SCGB2B2: variants seen among roughly 807,000 people sequenced by gnomAD.
The protein encoded by SCGB2B2 is secretoglobin family 2B member 2, also known as secretoglobin-like protein.
In SCGB2B2, 11 loss-of-function variants were observed where a neutral mutation model predicts 7.6. The observed-to-expected ratio is 1.45, with a 90% CI of 0.91 to 2.40. The LOEUF is 2.40. SCGB2B2 is among the 30% of genes most tolerant of loss of function. The pLI is 0.00. For synonymous variants in SCGB2B2, 50 were observed against 48.6 expected, an observed-to-expected ratio of 1.03 and a Z score of -0.12; for missense variants, 104 against 115.4, an observed-to-expected ratio of 0.90 and a Z score of 0.45.
At position 34,594,549 on chromosome 19, in the gene SCGB2B2, G is replaced by C; in HGVS notation, c.15C>G (p.Ser5=). The change falls in exon 2 of 4, where the codon TCC becomes TCG. Residue 5 remains serine, a synonymous_variant. Coordinates refer to ENST00000601241, the MANE Select transcript of SCGB2B2 (RefSeq NM_001025591.4). ...GAGCCAGCAGAAGAGCACAGGTGGC[G>C]GATGTCACCCTCATGACAGCGGAGT... The part of the protein sequence containing the change: MRVT[S]ATCALLLALI... The C allele has an allele frequency of 6.2e-7, 1 of 1,612,854 alleles. No homozygotes were observed. Among genetic ancestry groups the C allele is most frequent in the Non-Finnish European group, 8.5e-7 (1 of 1,179,956 alleles).
intron 1 of SCGB2B2, among the ~76,000 whole-genome samples, chr19:34,668,350 G>C (rs2067698523): frequency 6.6e-6 from 1 of 152,246 alleles, no homozygotes; most frequent in Non-Finnish European, 1.5e-5. Context: ...AGCAACTGCT[G>C]TGCTCAATTT....
intron 1 of SCGB2B2, among the ~76,000 whole-genome samples, chr19:34,664,783 A>G (rs2067564865): frequency 6.6e-6 from 1 of 151,944 alleles, no homozygotes; most frequent in South Asian, 2.1e-4. Flanking sequence ...TCAGCCTTGC[A>G]GCTCCCGCTG....
At chr19:34,636,720 G>C (rs1356199328) in intron 1 of SCGB2B2, among the ~76,000 whole-genome samples, 1 of 152,156 alleles carries the variant, frequency 6.6e-6, no homozygotes. Context: ...ACATAGAAAA[G>C]AGTTATGGCC....
At chr19:34,605,783 G>A (rs569063940) in intron 1 of SCGB2B2, among the ~76,000 whole-genome samples, 4 of 151,976 alleles carry the variant, frequency 2.6e-5, no homozygotes, top group East Asian at 3.9e-4. Flanking sequence ...TAGTAGACAC[G>A]GGGTTCCTCC....
intron 1 of SCGB2B2, among the ~76,000 whole-genome samples, chr19:34,604,062 C>A (rs2065709490): frequency 6.6e-6 from 1 of 152,016 alleles, no homozygotes; most frequent in Non-Finnish European, 1.5e-5. Context: ...CAGTTGTTAG[C>A]AGATTAATTT....
intron 1 of SCGB2B2, among the ~76,000 whole-genome samples, chr19:34,674,434 C>T (rs1315585510): frequency 6.6e-6 from 1 of 152,140 alleles, no homozygotes; most frequent in Non-Finnish European, 1.5e-5. Flanking sequence ...AACATCCAAA[C>T]GGGCCCACAA....
At chr19:34,672,416 G>C (rs1372748550) in intron 1 of SCGB2B2, among the ~76,000 whole-genome samples, 1 of 152,004 alleles carries the variant, frequency 6.6e-6, no homozygotes, top group Non-Finnish European at 1.5e-5. Context: ...GGTTGAATCT[G>C]TCATTGATTT....
Position 34,592,516 on chromosome 19 carries a change from G to A in SCGB2B2, c.*1039C>T, listed in dbSNP as rs117532876. On this transcript the variant is annotated 3_prime_UTR_variant, in exon 4 of 4. Transcript: ENST00000601241. ...GGAGGGAGAGGGAGGAGTCTAGGGCGGTGTGAGCTGATAGGGGTAGGCGAC... is the reference window on the plus strand; with the variant it reads ...GGAGGGAGAGGGAGGAGTCTAGGGCAGTGTGAGCTGATAGGGGTAGGCGAC... Among the ~76,000 whole-genome samples, 4 of 152,092 alleles carry A rather than the reference G, an allele frequency of 2.6e-5. No individual in the cohort carries two copies. The highest frequency in any genetic ancestry group is 5.9e-5 in the Non-Finnish European group (4 of 68,008).
intron 1 of SCGB2B2, chr19:34,634,835 G>A (rs1334689942): frequency 4.5e-5 from 11 of 245,774 alleles, no homozygotes; most frequent in Middle Eastern, 4.7e-4. Flanking sequence ...TCCCACATTC[G>A]CTGCACACAT....
At chr19:34,630,406 C>T (rs1402964019) in intron 1 of SCGB2B2, among the ~76,000 whole-genome samples, 3 of 151,666 alleles carry the variant, frequency 2.0e-5, no homozygotes, top group Non-Finnish European at 4.4e-5. Context: ...TGAACCCAAA[C>T]AAATTTACAA....
rs577061503 is a variant in SCGB2B2 at position 34,631,489 on chromosome 19, C to T, written c.-2031-34895G>A. Among the ~76,000 whole-genome samples the T allele has an allele frequency of 3.2e-4, 48 of 152,044 alleles. 1 individual carries two copies. Among genetic ancestry groups the T allele is most frequent in the African/African-American group, 1.1e-3 (45 of 41,474 alleles). ...TAAAAATTGTATTTCTATGTACTAA[C>T]AATGACTAATTTAAAATTGAAATTT... On this transcript the variant is annotated intron_variant, in intron 1 of 3. Transcript: ENST00000601241.
chr19:34,653,301 G>C (rs1324654552), intron 1 of SCGB2B2, among the ~76,000 whole-genome samples: 1 of 151,100 alleles, frequency 6.6e-6, no homozygotes, highest in Non-Finnish European at 1.5e-5. Context: ...TAGGATTGTA[G>C]GGTGAGTGTA....
chr19:34,634,346 T>A (rs1346769725), intron 1 of SCGB2B2, among the ~76,000 whole-genome samples: 5 of 152,096 alleles, frequency 3.3e-5, no homozygotes, highest in Admixed American at 2.0e-4. Context: ...CTGGGTAACC[T>A]AAGGTACACT....
chr19:34,610,240 C>T (rs2065890837), intron 1 of SCGB2B2, among the ~76,000 whole-genome samples: 1 of 151,906 alleles, frequency 6.6e-6, no homozygotes, highest in African/African-American at 2.4e-5. Context: ...TATACAAGAT[C>T]ATGTCATCTG....
At chr19:34,636,854 TC>T (rs1169117188) in intron 1 of SCGB2B2, among the ~76,000 whole-genome samples, 1 of 151,920 alleles carries the variant, frequency 6.6e-6, no homozygotes, top group Non-Finnish European at 1.5e-5. Flanking sequence ...CCAGAGTCCC[TC>T]CTCCCATAGC....
In SCGB2B2 at chr19:34,640,867, T is replaced by C. The variant is rs2066821285; in HGVS notation, c.-2032+34763A>G. Among the ~76,000 whole-genome samples, 3 of 152,156 alleles carry C rather than the reference T, an allele frequency of 2.0e-5. No individual in the cohort carries two copies. The South Asian group carries it at 6.2e-4, about 31-fold the overall frequency. ...TTATTTTTTTCCAGATGTGAAATTA[T>C]AAATGCAGGGACTTAGAGCTCATAC... On this transcript the variant is annotated intron_variant, in intron 1 of 3. Coordinates refer to ENST00000601241, the MANE Select transcript of SCGB2B2 (RefSeq NM_001025591.4).
chr19:34,593,123 A>G lies in SCGB2B2; in HGVS notation c.*432T>C, dbSNP rs1276859365. Among the ~76,000 whole-genome samples, 1 of 152,108 alleles carries G rather than the reference A, an allele frequency of 6.6e-6. No homozygotes were observed. Among genetic ancestry groups the G allele is most frequent in the African/African-American group, 2.4e-5 (1 of 41,418 alleles). ...GATCATTTGCGGTCAGGAGTTTGAG[A>G]CCAGCCTGGCCAACATGGCAAAACC... On this transcript the variant is annotated 3_prime_UTR_variant, in exon 4 of 4. Coordinates refer to ENST00000601241, the MANE Select transcript of SCGB2B2 (RefSeq NM_001025591.4).
intron 1 of SCGB2B2, among the ~76,000 whole-genome samples, chr19:34,644,796 G>A (rs2066949679): frequency 6.6e-6 from 1 of 152,082 alleles, no homozygotes; most frequent in Non-Finnish European, 1.5e-5. Flanking sequence ...ACATTTCCAT[G>A]GACTCACATA....
chr19:34,597,124 C>G (rs1286654796), intron 1 of SCGB2B2, among the ~76,000 whole-genome samples: 1 of 151,816 alleles, frequency 6.6e-6, no homozygotes, highest in East Asian at 2.0e-4. Context: ...AATCACCTGC[C>G]TGTGCCCAGC....
Sources: gnomAD v4.1 joint callset for allele counts (sites outside exome capture counted in the v4.1 genomes callset) on GRCh38, gnomAD v4.1.1 for gene constraint, MANE v1.5 for transcripts, NCBI Gene and HGNC (gene_info 2026-07-23, HGNC 2026-07-21) for gene names.